Variants in FBN2 observed in about 807,000 individuals in gnomAD.
FBN2 encodes fibrillin 2.
FBN2 carries 105 observed loss-of-function variants against 355.6 expected under a neutral mutation model. The observed-to-expected ratio is 0.30, with a 90% CI of 0.25 to 0.35. The LOEUF (loss-of-function observed/expected upper bound fraction) is 0.35. Among genes scored for constraint, FBN2 ranks in the 10% least tolerant of loss-of-function variants. FBN2 has a pLI of 1.00. For synonymous variants in FBN2, 1,350 were observed against 1,301.2 expected (o/e 1.04, Z -0.81); for missense variants, 3,280 against 3,758.7 (o/e 0.87, Z 3.33).
intron 5 of FBN2, among the ~76,000 whole-genome samples, chr5:128,472,139 C>A (rs1458441731): frequency 1.1e-4 from 16 of 152,044 alleles, no homozygotes; most frequent in Admixed American, 1.0e-3. Flanking sequence ...GAATAGATAA[C>A]AAAATACGGT....
chr5:128,475,505 T>C (rs1188189004), intron 5 of FBN2, among the ~76,000 whole-genome samples: 1 of 152,148 alleles, frequency 6.6e-6, no homozygotes, highest in African/African-American at 2.4e-5. Flanking sequence ...AACTGGAATG[T>C]AAGTAATATG....
chr5:128,260,051 T>G (rs984482883), intron 64 of FBN2, among the ~76,000 whole-genome samples: 3 of 152,126 alleles, frequency 2.0e-5, no homozygotes, highest in African/African-American at 7.2e-5. Context: ...TGTAAATCTT[T>G]AGGACTTCTC....
chr5:128,288,298 C>T (rs888646010), intron 53 of FBN2, 140 bp downstream of exon 53: 1 of 907,434 alleles, frequency 1.1e-6, no homozygotes, highest in African/African-American at 1.7e-5. Flanking sequence ...ACCAACCAAC[C>T]AAACAAAAAA....
Position 128,508,162 on chromosome 5 carries a change from A to G in FBN2, c.628+11111T>C, listed in dbSNP as rs370684426. ...AGGTCTTAATCCATTAGTGTCTTCT[A>G]TTTAAAATAGATTTCTTATAGGCAG... On this transcript the variant is annotated intron_variant, in intron 5 of 64. Coordinates refer to ENST00000262464, the MANE Select transcript of FBN2 (RefSeq NM_001999.4). Among the ~76,000 whole-genome samples the G allele has an allele frequency of 8.5e-5, 13 of 152,090 alleles. No homozygotes were observed. In the East Asian group the frequency reaches 1.9e-3, roughly 23 times the overall value.
intron 55 of FBN2, among the ~76,000 whole-genome samples, 184 bp downstream of exon 55, chr5:128,286,534 A>C (rs1561748514): frequency 6.6e-6 from 1 of 152,252 alleles, no homozygotes; most frequent in Non-Finnish European, 1.5e-5. Flanking sequence ...GCAGGCATAA[A>C]TGCCACAATC....
intron 39 of FBN2, among the ~76,000 whole-genome samples, chr5:128,310,398 ATATATT>A (rs1318679431): frequency 0.016 from 182 of 11,038 alleles, no homozygotes; most frequent in African/African-American, 0.037. Context: ...ATATATATAT[ATATATT>A]TTTTTTTTTT....
At chr5:128,304,752 C>G (rs1030330789) in intron 45 of FBN2, among the ~76,000 whole-genome samples, 1 of 151,592 alleles carries the variant, frequency 6.6e-6, no homozygotes, top group African/African-American at 2.4e-5. Flanking sequence ...GCAGTATGTC[C>G]CTGCTTGCAA....
At chr5:128,454,875 T>C (rs1302341600) in intron 6 of FBN2, among the ~76,000 whole-genome samples, 1 of 152,228 alleles carries the variant, frequency 6.6e-6, no homozygotes, top group Non-Finnish European at 1.5e-5. Flanking sequence ...ATCAATGTTA[T>C]TATCATCAAT....
In FBN2 at chr5:128,350,118, A is replaced by G. The variant is rs186301846; in HGVS notation, c.2813-113T>C. ...TGGAACTAAATAAAAAATGCAAGGCAGGGTCTTAGGGTCCAAGGACATCAT... is the reference window on the plus strand; with the variant it reads ...TGGAACTAAATAAAAAATGCAAGGCGGGGTCTTAGGGTCCAAGGACATCAT... On this transcript the variant is annotated intron_variant, in intron 21 of 64. Coordinates refer to ENST00000262464, the MANE Select transcript of FBN2 (RefSeq NM_001999.4). The G allele has an allele frequency of 7.3e-4, 620 of 845,790 alleles. 1 individual carries two copies. Among genetic ancestry groups the G allele is most frequent in the Middle Eastern group, 6.0e-3 (23 of 3,850 alleles). The allele number at this position is 845,790 out of a possible 1,614,324, so 52.4% of individuals were successfully genotyped here.
intron 42 of FBN2, among the ~76,000 whole-genome samples, chr5:128,306,360 C>T (rs1435553217): frequency 2.0e-5 from 3 of 152,138 alleles, no homozygotes; most frequent in Non-Finnish European, 4.4e-5. Flanking sequence ...TGGCTCACGC[C>T]TGTAATCCCA....
rs146849637 is a variant in FBN2 at position 128,446,604 on chromosome 5, C to T, written c.829G>A (p.Val277Ile). The T allele has an allele frequency of 3.3e-3, 5,402 of 1,613,522 alleles. 17 individuals carry two copies. Among genetic ancestry groups the T allele is most frequent in the Non-Finnish European group, 4.3e-3 (5,026 of 1,179,598 alleles). ...PNIRTGACQD[V>I]DECQAIPGIC... is the part of the protein sequence containing the mutation. The stretch of plus-strand genomic sequence containing the variant: ...CCTGGGATAGCCTGGCATTCATCAA[C>T]ATCTGCAAGAAGAAAACATTTTGAA... The change falls in exon 7 of 65, where the codon GTT (valine) becomes ATT (isoleucine). Residue 277 changes from valine to isoleucine, a missense_variant and splice_region_variant. By Grantham distance (29) the Val-to-Ile change is conservative. Transcript: ENST00000262464.
intron 6 of FBN2, among the ~76,000 whole-genome samples, 179 bp from the exon 7 acceptor site, chr5:128,446,785 T>A (rs1416213683): frequency 6.6e-6 from 1 of 152,224 alleles, no homozygotes; most frequent in Non-Finnish European, 1.5e-5. Context: ...GTAAATGGTA[T>A]CATGTTATAT....
intron 5 of FBN2, among the ~76,000 whole-genome samples, chr5:128,476,407 A>C (rs1357255583): frequency 6.6e-6 from 1 of 152,122 alleles, no homozygotes; most frequent in African/African-American, 2.4e-5. Context: ...ATCAAAATAA[A>C]ATGAGTAGAA....
chr5:128,505,001 C>G (rs906902917), intron 5 of FBN2, among the ~76,000 whole-genome samples: 2 of 152,172 alleles, frequency 1.3e-5, no homozygotes, highest in African/African-American at 2.4e-5. Context: ...GTGAATAAGT[C>G]TCACAAGATC....
At chr5:128,272,463 C>CATATATATAT (rs3083327) in intron 61 of FBN2, among the ~76,000 whole-genome samples, 2,460 of 139,682 alleles carry the variant, frequency 0.018, 29 homozygotes, top group South Asian at 0.032. Context: ...TTTGGTAAAT[C>CATATATATAT]ATATATATAT....
intron 39 of FBN2, 91 bp downstream of exon 39, chr5:128,311,209 G>C: frequency 3.0e-6 from 4 of 1,345,692 alleles, no homozygotes; most frequent in Non-Finnish European, 4.2e-6. Flanking sequence ...TGAGCCTTTT[G>C]TAGAATGTGA....
At chr5:128,488,043 AAAGAAC>A (rs1755385774) in intron 5 of FBN2, among the ~76,000 whole-genome samples, 1 of 152,182 alleles carries the variant, frequency 6.6e-6, no homozygotes, top group African/African-American at 2.4e-5. Context: ...TTGAAGTCAT[AAAGAAC>A]ACATATACTA....
At chr5:128,401,124 G>T (rs146018568) in intron 8 of FBN2, among the ~76,000 whole-genome samples, 358 of 152,206 alleles carry the variant, frequency 2.4e-3, no homozygotes, top group Non-Finnish European at 3.9e-3. Context: ...CAAGTCTCTG[G>T]TATGTCTTTC....
chr5:128,393,116 A>C lies in FBN2; in HGVS notation c.1465+19T>G. 6.3e-7 allele frequency: 1 copy of C among 1,578,732 alleles called. No homozygotes were observed. ...TGAGGCAGGAAACTAAAGAGTCCAC[A>C]GGAAAACTGACCACTTACTTAGTCC... On this transcript the variant is annotated intron_variant, in intron 10 of 64. Transcript: ENST00000262464.
Sources: gnomAD v4.1 joint callset for allele counts (sites outside exome capture counted in the v4.1 genomes callset) on GRCh38, gnomAD v4.1.1 for gene constraint, MANE v1.5 for transcripts, NCBI Gene and HGNC (gene_info 2026-07-23, HGNC 2026-07-21) for gene names.